Variants in WIPF3 observed in about 807,000 individuals in gnomAD.
WIPF3 encodes WAS/WASL-interacting protein family member 3.
A neutral mutation model predicts 38.9 loss-of-function variants in WIPF3; 33 were observed. The observed-to-expected ratio is 0.85, with a 90% confidence interval of 0.64 to 1.14. The LOEUF is 1.14. Ranked by LOEUF, WIPF3 falls within the 50% of genes most tolerant of loss-of-function variation. The pLI is 0.00. For synonymous variants in WIPF3, 324 were observed against 269.3 expected (o/e 1.20, Z -1.99); for missense variants, 711 against 652.5 (o/e 1.09, Z -0.98).
At chr7:29,821,812 C>T (rs1462578464) in intron 1 of WIPF3, among the ~76,000 whole-genome samples, 1 of 152,182 alleles carries the variant, frequency 6.6e-6, no homozygotes, top group Non-Finnish European at 1.5e-5. Flanking sequence ...TTTTCTCAAT[C>T]CTCCATGGTA....
chr7:29,871,348 G>C (rs956720327), intron 2 of WIPF3, among the ~76,000 whole-genome samples: 1 of 152,172 alleles, frequency 6.6e-6, no homozygotes, highest in African/African-American at 2.4e-5. Flanking sequence ...GGAGACAGGG[G>C]TAGGCTGAGG....
At chr7:29,872,278 G>T (rs1785509039) in intron 2 of WIPF3, among the ~76,000 whole-genome samples, 1 of 152,178 alleles carries the variant, frequency 6.6e-6, no homozygotes, top group Non-Finnish European at 1.5e-5. Flanking sequence ...GTGGCAGGAG[G>T]TTTTTTAAGA....
intron 7 of WIPF3, among the ~76,000 whole-genome samples, chr7:29,903,049 T>C (rs1023604167): frequency 2.0e-5 from 3 of 152,104 alleles, no homozygotes; most frequent in African/African-American, 7.3e-5. Flanking sequence ...TCCCAGAATT[T>C]TGGGAGGCAA....
chr7:29,870,165 T>C (rs174956), intron 2 of WIPF3, among the ~76,000 whole-genome samples: 134,306 of 152,114 alleles, frequency 0.88, 59,413 homozygotes, highest in East Asian at 0.98. Flanking sequence ...GCCAAGGTCT[T>C]GAGGTGAGCA....
chr7:29,857,724 A>T (rs1270927715), intron 2 of WIPF3, among the ~76,000 whole-genome samples: 1 of 152,156 alleles, frequency 6.6e-6, no homozygotes, highest in Non-Finnish European at 1.5e-5. Flanking sequence ...AAACTATTCC[A>T]TGTAAACATT....
At chr7:29,869,170 C>T (rs1474287734) in intron 2 of WIPF3, among the ~76,000 whole-genome samples, 4 of 79,078 alleles carry the variant, frequency 5.1e-5, no homozygotes, top group African/African-American at 1.5e-4. Flanking sequence ...GCTGGGATTA[C>T]AGGCATGTGC....
chr7:29,849,567 T>C (rs1247369895), intron 2 of WIPF3, among the ~76,000 whole-genome samples: 3 of 152,220 alleles, frequency 2.0e-5, no homozygotes, highest in African/African-American at 7.2e-5. Flanking sequence ...CAGTGTTCTC[T>C]AGTCTGACTA....
At chr7:29,901,392 T>A (rs1278368119) in intron 7 of WIPF3, among the ~76,000 whole-genome samples, 1 of 42,006 alleles carries the variant, frequency 2.4e-5, no homozygotes, top group Non-Finnish European at 7.4e-5. Flanking sequence ...GATTTTTTTT[T>A]TTTTTTTTTT....
chr7:29,807,673 C>G (rs1784304684), intron 1 of WIPF3, among the ~76,000 whole-genome samples: 1 of 152,220 alleles, frequency 6.6e-6, no homozygotes, highest in Non-Finnish European at 1.5e-5. Context: ...TTCCATGCGC[C>G]CTGGGACAGT....
At chr7:29,907,168 T>A (rs1181092260) in intron 8 of WIPF3, among the ~76,000 whole-genome samples, 1 of 152,266 alleles carries the variant, frequency 6.6e-6, no homozygotes, top group Non-Finnish European at 1.5e-5. Context: ...CTTTTTGTTT[T>A]CTACATGATT....
intron 1 of WIPF3, among the ~76,000 whole-genome samples, chr7:29,807,137 A>C (rs1483200204): frequency 2.0e-5 from 3 of 151,860 alleles, no homozygotes; most frequent in Non-Finnish European, 4.4e-5. Flanking sequence ...GCTGGGGCGG[A>C]GTAAAAGAGA....
intron 8 of WIPF3, among the ~76,000 whole-genome samples, chr7:29,907,468 TC>T (rs1224192184): frequency 6.6e-6 from 1 of 152,210 alleles, no homozygotes; most frequent in Non-Finnish European, 1.5e-5. Flanking sequence ...TAAGTGTAAT[TC>T]CTATGGGCTA....
At chr7:29,822,108 C>G (rs1784545338) in intron 1 of WIPF3, among the ~76,000 whole-genome samples, 1 of 131,204 alleles carries the variant, frequency 7.6e-6, no homozygotes, top group Non-Finnish European at 1.7e-5. Context: ...TATTCCTTTC[C>G]TTACTTTTTT....
At chr7:29,810,474 GTGAATGAATGAA>G (rs55728973) in intron 1 of WIPF3, among the ~76,000 whole-genome samples, 4 of 151,740 alleles carry the variant, frequency 2.6e-5, no homozygotes, top group South Asian at 2.1e-4. Context: ...AATTGTGTGA[GTGAATGAATGAA>G]TGAATGAATG....
intron 7 of WIPF3, 90 bp from the exon 8 acceptor site, chr7:29,904,196 T>C: frequency 7.9e-7 from 1 of 1,270,404 alleles, no homozygotes; most frequent in Non-Finnish European, 1.1e-6. Flanking sequence ...TTCATTGTTT[T>C]AAGTGCTGAT....
Position 29,834,771 on chromosome 7 carries a change from C to CAGAGGCGGGGGA in WIPF3, c.47_48insAGAGGCGGGGGA (p.Pro16_Pro17insGluAlaGlyGlu). The CAGAGGCGGGGGA allele has an allele frequency of 6.7e-7, 1 of 1,493,150 alleles. No individual in the cohort carries two copies. The highest frequency in any genetic ancestry group is 9.0e-7 in the Non-Finnish European group (1 of 1,116,486). 92.5% of individuals were successfully genotyped at this position (1,493,150 alleles called of 1,614,324 possible). A position where few individuals can be genotyped will look rare whatever the true frequency, so the allele number is the denominator to read the frequency against. ...CCACCTCCTCTGCCTCCACCTCCCC[C>CAGAGGCGGGGGA]GCCTCTGGGGGCTCCTCCCCCTCCC... is the stretch of plus-strand genomic sequence containing the variant. On this transcript the variant is annotated inframe_insertion, in exon 2 of 9. Transcript: ENST00000242140.
chr7:29,895,603 T>C (rs1210758456), intron 7 of WIPF3, among the ~76,000 whole-genome samples: 1 of 152,220 alleles, frequency 6.6e-6, no homozygotes, highest in Non-Finnish European at 1.5e-5. Flanking sequence ...GAGGCGTAAT[T>C]GGCTCACAGT....
intron 2 of WIPF3, among the ~76,000 whole-genome samples, chr7:29,865,451 A>G (rs1041292908): frequency 6.6e-6 from 1 of 152,198 alleles, no homozygotes; most frequent in Admixed American, 6.5e-5. Context: ...CCCAACTAGC[A>G]GGAAGAAGTG....
At chr7:29,863,181 G>A (rs1261993783) in intron 2 of WIPF3, among the ~76,000 whole-genome samples, 2 of 152,128 alleles carry the variant, frequency 1.3e-5, no homozygotes, top group Non-Finnish European at 2.9e-5. Context: ...AGGACACAGT[G>A]CAATTCCATC....
Sources: gnomAD v4.1 joint callset for allele counts (sites outside exome capture counted in the v4.1 genomes callset) on GRCh38, gnomAD v4.1.1 for gene constraint, MANE v1.5 for transcripts, NCBI Gene and HGNC (gene_info 2026-07-23, HGNC 2026-07-21) for gene names.